The following EYA2 variants were observed in gnomAD, a reference collection of about 807,000 sequenced individuals.
EYA2 encodes protein phosphatase EYA2.
EYA2 carries 31 observed loss-of-function variants against 69.2 expected under a neutral mutation model. The observed-to-expected ratio is 0.45, with a 90% CI of 0.34 to 0.60. The LOEUF (loss-of-function observed/expected upper bound fraction) is 0.60. Among genes scored for constraint, EYA2 ranks in the 20% least tolerant of loss-of-function variants. EYA2 has a pLI of 0.02. For synonymous variants in EYA2, 257 were observed against 279.4 expected (o/e 0.92, Z 0.80); for missense variants, 622 against 701.2 (o/e 0.89, Z 1.28).
Position 47,187,977 on chromosome 20 carries a change from T to C in EYA2, c.1537-76T>C, listed in dbSNP as rs1011982924. 8.2e-6 allele frequency: 12 copies of C among 1,464,178 alleles called. No homozygotes were observed. In the Admixed American group the frequency reaches 2.0e-4, roughly 24 times the overall value. The allele number at this position is 1,464,178 out of a possible 1,614,324, so 90.7% of individuals were successfully genotyped here. A position where few individuals can be genotyped will look rare whatever the true frequency, so the allele number is the denominator to read the frequency against. ...GACTTAACTGGGTTGACTTCTCACA[T>C]GCCCTCTAACCACAGGCGTGGAACC... On this transcript the variant is annotated intron_variant, in intron 15 of 15. Transcript: ENST00000327619.
chr20:47,004,492 A>ACT, intron 3 of EYA2, among the ~76,000 whole-genome samples: 1 of 6,746 alleles, frequency 1.5e-4, no homozygotes, highest in Non-Finnish European at 4.1e-3. Flanking sequence ...TTTGTTTCTT[A>ACT]CATAAAGTCC....
chr20:47,014,893 A>C (rs955553207), intron 4 of EYA2, among the ~76,000 whole-genome samples: 2 of 152,214 alleles, frequency 1.3e-5, no homozygotes, highest in African/African-American at 4.8e-5. Context: ...AGGAAACCAC[A>C]CATTAGAATG....
chr20:47,001,139 C>T (rs1982340691), intron 2 of EYA2, among the ~76,000 whole-genome samples: 1 of 152,056 alleles, frequency 6.6e-6, no homozygotes, highest in African/African-American at 2.4e-5. Flanking sequence ...TCCATCTGTA[C>T]AATGGATGGA....
chr20:47,071,093 T>C (rs751624836), intron 5 of EYA2, among the ~76,000 whole-genome samples: 3 of 152,152 alleles, frequency 2.0e-5, no homozygotes, highest in Non-Finnish European at 2.9e-5. Context: ...CGCTGCTACC[T>C]CCGCCTCCCG....
At chr20:47,044,517 C>CG (rs1016865173) in intron 5 of EYA2, among the ~76,000 whole-genome samples, 67 of 151,712 alleles carry the variant, frequency 4.4e-4, no homozygotes, top group South Asian at 1.3e-3. Flanking sequence ...TAGAGTCTTT[C>CG]GGGGGGGTGG....
chr20:47,040,354 A>G (rs1466961619), intron 5 of EYA2, among the ~76,000 whole-genome samples: 1 of 152,216 alleles, frequency 6.6e-6, no homozygotes, highest in East Asian at 1.9e-4. Flanking sequence ...GAAGAATGGT[A>G]TGTTCCACTT....
intron 10 of EYA2, among the ~76,000 whole-genome samples, chr20:47,157,641 T>C (rs1308807275): frequency 2.0e-5 from 3 of 152,008 alleles, no homozygotes; most frequent in Non-Finnish European, 4.4e-5. Flanking sequence ...CACACTGTTT[T>C]ACCAATGAAT....
At chr20:47,098,807 C>T (rs1343791526) in intron 9 of EYA2, among the ~76,000 whole-genome samples, 1 of 152,200 alleles carries the variant, frequency 6.6e-6, no homozygotes, top group South Asian at 2.1e-4. Flanking sequence ...ACTCTCCAGC[C>T]GAAAAATCTT....
intron 1 of EYA2, among the ~76,000 whole-genome samples, chr20:46,963,791 A>G (rs1979623670): frequency 6.6e-6 from 1 of 152,264 alleles, no homozygotes; most frequent in Non-Finnish European, 1.5e-5. Flanking sequence ...CGGCTAAGCC[A>G]GGCGAACAAG....
intron 4 of EYA2, among the ~76,000 whole-genome samples, chr20:47,005,968 A>G (rs1056164780): frequency 6.6e-6 from 1 of 152,222 alleles, no homozygotes; most frequent in Non-Finnish European, 1.5e-5. Context: ...TTTATTGCCT[A>G]TGTAGCTGGA....
Position 47,016,207 on chromosome 20 carries a change from C to A in EYA2, c.325C>A (p.His109Asn), listed in dbSNP as rs1030134691. The part of the protein sequence containing the change: ...YSIKTEDSLN[H>N]SPGQSGFLSY... ...CATCAAGACAGAAGACAGCTTGAAC[C>A]ATTCCCCTGGCCAGAGTGGATTCCT... The change falls in exon 5 of 16, where the codon CAT (histidine) becomes AAT (asparagine). Residue 109 changes from histidine (H) to asparagine (N), a missense_variant. Coordinates refer to ENST00000327619, the MANE Select transcript of EYA2 (RefSeq NM_005244.5). The A allele has an allele frequency of 6.2e-7, 1 of 1,614,112 alleles. No individual in the cohort carries two copies. The highest frequency in any genetic ancestry group is 8.5e-7 in the Non-Finnish European group (1 of 1,179,986).
At chr20:47,052,030 C>T (rs1448555708) in intron 5 of EYA2, among the ~76,000 whole-genome samples, 1 of 152,088 alleles carries the variant, frequency 6.6e-6, no homozygotes, top group Non-Finnish European at 1.5e-5. Flanking sequence ...GAAATAGTGC[C>T]GAGAACAAAA....
intron 2 of EYA2, among the ~76,000 whole-genome samples, chr20:46,997,335 A>G (rs1370146210): frequency 6.6e-6 from 1 of 152,184 alleles, no homozygotes; most frequent in Admixed American, 6.5e-5. Context: ...CCCTCCTCCA[A>G]CACTGGGGAT....
At chr20:47,073,282 G>A (rs2031383174) in intron 6 of EYA2, among the ~76,000 whole-genome samples, 6 of 152,112 alleles carry the variant, frequency 3.9e-5, no homozygotes. Flanking sequence ...AATTGGGATC[G>A]CTGGTCTGCT....
intron 9 of EYA2, chr20:47,117,426 C>T (rs2032929353): frequency 2.0e-6 from 2 of 985,158 alleles, no homozygotes; most frequent in Non-Finnish European, 1.2e-6. Flanking sequence ...GAGGCCAGGT[C>T]GAGAGAGCAT....
chr20:46,983,737 T>A (rs929213875), intron 1 of EYA2, among the ~76,000 whole-genome samples: 1 of 152,240 alleles, frequency 6.6e-6, no homozygotes, highest in Admixed American at 6.5e-5. Context: ...TTAGTAATCC[T>A]GAACTCCAGT....
chr20:46,927,144 A>G (rs918001640), intron 1 of EYA2, among the ~76,000 whole-genome samples: 6 of 152,204 alleles, frequency 3.9e-5, no homozygotes, highest in African/African-American at 1.2e-4. Context: ...GAGTTTACCA[A>G]CACATAGGAA....
chr20:47,063,519 A>G (rs989962268), intron 5 of EYA2, among the ~76,000 whole-genome samples: 3 of 151,964 alleles, frequency 2.0e-5, no homozygotes, highest in African/African-American at 7.3e-5. Flanking sequence ...ATCAAAAGGA[A>G]AACCCCACCT....
chr20:47,095,647 T>G (rs1312374798), intron 8 of EYA2, among the ~76,000 whole-genome samples: 1 of 152,164 alleles, frequency 6.6e-6, no homozygotes, highest in Non-Finnish European at 1.5e-5. Context: ...AGATTTCTCA[T>G]CAGTGACCCT....
Sources: allele counts gnomAD v4.1 joint callset (sites outside exome capture counted in the v4.1 genomes callset), GRCh38; gene constraint gnomAD v4.1.1; transcripts MANE v1.5; gene names NCBI Gene and HGNC (gene_info 2026-07-23, HGNC 2026-07-21).